Variants in GDA observed in about 807,000 individuals in gnomAD.
GDA encodes guanine deaminase.
GDA carries 18 observed loss-of-function variants against 59.6 expected under a neutral mutation model. The ratio of observed to expected loss-of-function variants is 0.30; its 90% CI spans 0.21 to 0.45. The LOEUF (loss-of-function observed/expected upper bound fraction) is 0.45. Ranked by LOEUF, GDA falls within the 20% of genes least tolerant of loss-of-function variation. The pLI is 1.00. For synonymous variants in GDA, 201 were observed against 201.1 expected, an observed-to-expected ratio of 1.00 and a Z score of 0.00; for missense variants, 427 against 552.3, an observed-to-expected ratio of 0.77 and a Z score of 2.27.
At chr9:72,192,223 CTTTTTTTTTT>C (rs869237933) in intron 1 of GDA, among the ~76,000 whole-genome samples, 32 of 46,274 alleles carry the variant, frequency 6.9e-4, no homozygotes, top group African/African-American at 1.8e-3. Flanking sequence ...TTCAAATAGC[CTTTTTTTTTT>C]TTTTTTTTTT....
intron 1 of GDA, among the ~76,000 whole-genome samples, chr9:72,129,894 C>A (rs11143123): frequency 0.16 from 23,897 of 152,134 alleles, 2,478 homozygotes; most frequent in East Asian, 0.51. Context: ...AGGTCAGACC[C>A]GGGCCAGGAC....
At chr9:72,183,247 A>G (rs1317046698) in intron 1 of GDA, among the ~76,000 whole-genome samples, 1 of 152,172 alleles carries the variant, frequency 6.6e-6, no homozygotes, top group South Asian at 2.1e-4. Flanking sequence ...ATGTAAATAT[A>G]TATTACTCCT....
Position 72,118,273 on chromosome 9 carries a change from CAAAA to C in GDA, c.-100+3461_-100+3464del, listed in dbSNP as rs373179585. Among the ~76,000 whole-genome samples, 586 of 66,142 alleles carry C rather than the reference CAAAA, an allele frequency of 8.9e-3. 7 individuals are homozygous for C. The highest frequency in any genetic ancestry group is 0.037 in the African/African-American group (552 of 14,762). 43.4% of individuals were successfully genotyped at this position (66,142 alleles called of 152,430 possible). On this transcript the variant is annotated intron_variant, in intron 1 of 13. Coordinates refer to the GDA transcript ENST00000545168. ...GGCGACAGAGCAAGAGACTCCACCTCAAAAAAAAAAAAAAAAAAAAAAAAGAATG... is the reference window on the plus strand; with the variant it reads ...GGCGACAGAGCAAGAGACTCCACCTCAAAAAAAAAAAAAAAAAAAAGAATG...
chr9:72,180,376 A>G (rs1831038734), intron 1 of GDA, among the ~76,000 whole-genome samples: 1 of 152,044 alleles, frequency 6.6e-6, no homozygotes, highest in Non-Finnish European at 1.5e-5. Context: ...AAAAATAACA[A>G]AGGCCCAAAG....
intron 1 of GDA, among the ~76,000 whole-genome samples, chr9:72,117,981 T>C (rs1326146545): frequency 6.6e-6 from 1 of 152,026 alleles, no homozygotes; most frequent in Admixed American, 6.6e-5. Context: ...ATATTAAGAA[T>C]ATAAATTCAG....
upstream of GDA, among the ~76,000 whole-genome samples, chr9:72,144,999 G>T (rs571127292): frequency 1.3e-5 from 2 of 151,778 alleles, no homozygotes; most frequent in African/African-American, 4.8e-5. Context: ...AAATAAAATA[G>T]GCAGGCATTT....
chr9:72,188,775 G>C (rs886418752), intron 1 of GDA, among the ~76,000 whole-genome samples: 1 of 152,170 alleles, frequency 6.6e-6, no homozygotes, highest in Non-Finnish European at 1.5e-5. Context: ...GGATCGTGGA[G>C]CTACTAGCAT....
intron 10 of GDA, among the ~76,000 whole-genome samples, chr9:72,232,784 A>G (rs1467980168): frequency 6.6e-6 from 1 of 152,200 alleles, no homozygotes; most frequent in Non-Finnish European, 1.5e-5. Context: ...TGAGAAAATT[A>G]ATTTTCTAGT....
intron 1 of GDA, among the ~76,000 whole-genome samples, chr9:72,129,960 T>C (rs1009316722): frequency 2.6e-5 from 4 of 152,162 alleles, no homozygotes; most frequent in Non-Finnish European, 5.9e-5. Context: ...GAGAATTTCA[T>C]CCCCTGGAAG....
chr9:72,238,147 C>G (rs760544634), intron 10 of GDA, among the ~76,000 whole-genome samples: 1 of 152,178 alleles, frequency 6.6e-6, no homozygotes, highest in South Asian at 2.1e-4. Context: ...ACTCTCTCCT[C>G]CTCACCCTGG....
chr9:72,139,505 A>C (rs1826366147), intron 1 of GDA, among the ~76,000 whole-genome samples: 1 of 152,178 alleles, frequency 6.6e-6, no homozygotes, highest in Admixed American at 6.5e-5. Flanking sequence ...AGGGAAGAGA[A>C]GTCTCTAAAT....
chr9:72,155,319 G>A (rs1342699868), intron 1 of GDA, among the ~76,000 whole-genome samples: 3 of 152,104 alleles, frequency 2.0e-5, no homozygotes, highest in African/African-American at 7.2e-5. Flanking sequence ...AGAACAGTAT[G>A]GGGGAAACTG....
chr9:72,164,768 G>T (rs944875383), intron 1 of GDA, among the ~76,000 whole-genome samples: 2 of 151,648 alleles, frequency 1.3e-5, no homozygotes, highest in Non-Finnish European at 2.9e-5. Flanking sequence ...CAGATCATGA[G>T]GTCAGGAGAT....
rs777706400 is a variant in GDA, at chr9:72,248,261, T to A, written c.1295-11T>A. On this transcript the variant is annotated splice_polypyrimidine_tract_variant and intron_variant, in intron 13 of 13. Transcript: ENST00000358399. ...AGGATTTTATACATGATTCCTTGAT[T>A]TTTCTTTCAGGAGATGATCGAAATA... 5.7e-6 allele frequency: 9 copies of A among 1,588,080 alleles called. No individual in the cohort carries two copies. In the Admixed American group the frequency reaches 1.3e-4, roughly 24 times the overall value.
At position 72,170,846 on chromosome 9, in the gene GDA, C is replaced by T. The variant is rs982783361; in HGVS notation, c.123+21164C>T. Among the ~76,000 whole-genome samples, 4 of 152,158 alleles carry T rather than the reference C, an allele frequency of 2.6e-5. No individual in the cohort carries two copies. The East Asian group carries it at 5.8e-4, about 22-fold the overall frequency. ...TGTTGTTGTTGTTGAGATAGGCCCT[C>T]GCTCTGTCACCTTGGCTGTAGTGCA... is the stretch of plus-strand genomic sequence containing the variant. On this transcript the variant is annotated intron_variant, in intron 1 of 13. Transcript: ENST00000358399.
chr9:72,202,289 CACTG>C (rs923399291), intron 2 of GDA, among the ~76,000 whole-genome samples: 2 of 152,190 alleles, frequency 1.3e-5, no homozygotes, highest in African/African-American at 4.8e-5. Context: ...CTTGTGCCAC[CACTG>C]CTTTGCTTCT....
At chr9:72,152,773 G>A (rs1827376541) in intron 1 of GDA, among the ~76,000 whole-genome samples, 1 of 152,070 alleles carries the variant, frequency 6.6e-6, no homozygotes. Context: ...TTCTTTTGCT[G>A]TGCAGAAGCT....
At chr9:72,168,337 G>C (rs989890734) in intron 1 of GDA, among the ~76,000 whole-genome samples, 9 of 150,680 alleles carry the variant, frequency 6.0e-5, no homozygotes, top group South Asian at 2.1e-4. Flanking sequence ...AAGCTGCAGT[G>C]AATTGTGATT....
At position 72,249,305 on chromosome 9, in the gene GDA, A is replaced by G; in HGVS notation, c.*963A>G. 2 of 985,008 alleles carry G rather than the reference A, an allele frequency of 2.0e-6. No individual in the cohort carries two copies. The highest frequency in any genetic ancestry group is 1.2e-6 in the Non-Finnish European group (1 of 829,562). 61.0% of individuals were successfully genotyped at this position (985,008 alleles called of 1,614,324 possible). On this transcript the variant is annotated 3_prime_UTR_variant, in exon 14 of 14. Transcript: ENST00000358399. ...TGCCATGGCCTATTCCACCCAAACA[A>G]TATGTTGTAGTTTCTGGAAATTCCA...
Sources: allele counts gnomAD v4.1 joint callset (sites outside exome capture counted in the v4.1 genomes callset), GRCh38; gene constraint gnomAD v4.1.1; transcripts MANE v1.5; gene names NCBI Gene and HGNC (gene_info 2026-07-23, HGNC 2026-07-21).